The following ATP10D variants were observed in gnomAD, a reference collection of about 807,000 sequenced individuals.
The protein encoded by ATP10D is ATPase phospholipid transporting 10D (putative), also known as phospholipid-transporting ATPase VD.
A neutral mutation model predicts 144.8 loss-of-function variants in ATP10D; 89 were observed. The observed-to-expected ratio is 0.61, with a 90% CI of 0.52 to 0.73. The LOEUF (loss-of-function observed/expected upper bound fraction) is 0.73, where lower values mean the gene tolerates loss of function less well. ATP10D is among the 30% of genes least tolerant of loss of function. The probability of loss-of-function intolerance (pLI) is 0.00; values close to 1 mark genes in which losing one functional copy is unlikely to be tolerated. For missense variants in ATP10D, 1,603 were observed against 1,714.8 expected (o/e 0.93, Z 1.15); for synonymous variants, 571 against 615.1 (o/e 0.93, Z 1.06).
chr4:47,524,298 G>T (rs73237081), intron 4 of ATP10D, among the ~76,000 whole-genome samples: 38,851 of 151,960 alleles, frequency 0.26, 5,265 homozygotes, highest in South Asian at 0.31. Flanking sequence ...AAAAAAAGTG[G>T]TTTAGCCTAC....
At chr4:47,587,840 G>T (rs1257924407) in intron 22 of ATP10D, among the ~76,000 whole-genome samples, 1 of 152,106 alleles carries the variant, frequency 6.6e-6, no homozygotes, top group Admixed American at 6.6e-5. Context: ...GTTTTGGGGG[G>T]AATAAACATT....
chr4:47,553,394 A>G (rs1399035375), intron 10 of ATP10D, among the ~76,000 whole-genome samples: 1 of 152,256 alleles, frequency 6.6e-6, no homozygotes, highest in Non-Finnish European at 1.5e-5. Flanking sequence ...AGCCAGTAGA[A>G]TTAATGAATT....
At chr4:47,527,031 C>T (rs996736646) in intron 5 of ATP10D, among the ~76,000 whole-genome samples, 3 of 152,022 alleles carry the variant, frequency 2.0e-5, no homozygotes, top group Non-Finnish European at 4.4e-5. Context: ...AGCTAGAAGG[C>T]TAAAACCACA....
At position 47,572,926 on chromosome 4, in the gene ATP10D, C is replaced by T; in HGVS notation, c.3295C>T (p.Leu1099Phe). 1 of 1,614,088 alleles carries T rather than the reference C, an allele frequency of 6.2e-7. No individual in the cohort carries two copies. Among genetic ancestry groups the T allele is most frequent in the East Asian group, 2.2e-5 (1 of 44,870 alleles). The stretch of plus-strand genomic sequence containing the variant: ...TCAGTTCAAACATCTCAGCAAGCTC[C>T]TTCTTGTCCATGGACACTGGTGTTA... The part of the protein sequence containing the change: ...VSQFKHLSKL[L>F]LVHGHWCYTR... Residue 1099 changes from leucine (L) to phenylalanine (F), a missense_variant, in exon 18 of 23, where the codon CTT becomes TTT. Transcript: ENST00000273859.
intron 9 of ATP10D, among the ~76,000 whole-genome samples, chr4:47,537,747 C>T (rs1011652312): frequency 2.6e-5 from 4 of 152,074 alleles, no homozygotes; most frequent in African/African-American, 9.7e-5. Context: ...TAGTTTTCTA[C>T]TATATGTGGT....
At chr4:47,493,349 A>T (rs1715185244) in intron 1 of ATP10D, among the ~76,000 whole-genome samples, 1 of 152,226 alleles carries the variant, frequency 6.6e-6, no homozygotes, top group African/African-American at 2.4e-5. Context: ...CAAAAGAGAT[A>T]CACATTTAGT....
At chr4:47,496,315 G>A (rs1244088745) in intron 1 of ATP10D, among the ~76,000 whole-genome samples, 1 of 151,484 alleles carries the variant, frequency 6.6e-6, no homozygotes, top group Non-Finnish European at 1.5e-5. Flanking sequence ...GGGCCACCAC[G>A]CCCGGCTAAT....
intron 1 of ATP10D, among the ~76,000 whole-genome samples, chr4:47,509,540 A>G (rs1229727318): frequency 6.6e-6 from 1 of 152,198 alleles, no homozygotes; most frequent in African/African-American, 2.4e-5. Flanking sequence ...CATACTTTTT[A>G]TTGTGGTGAG....
intron 1 of ATP10D, among the ~76,000 whole-genome samples, chr4:47,491,936 G>T (rs551083961): frequency 6.6e-6 from 1 of 152,178 alleles, no homozygotes; most frequent in East Asian, 1.9e-4. Context: ...TACTTGACCT[G>T]TTCTGGGGCT....
intron 11 of ATP10D, chr4:47,557,130 C>T (rs1464492362): frequency 6.6e-6 from 1 of 151,800 alleles, no homozygotes; most frequent in Non-Finnish European, 1.5e-5. Context: ...CAGTATTGCC[C>T]TATAGACTTT....
At chr4:47,523,241 G>A (rs552322089) in intron 4 of ATP10D, 25 bp downstream of exon 4, 3 of 1,589,316 alleles carry the variant, frequency 1.9e-6, no homozygotes, top group Admixed American at 3.3e-5. Context: ...CTCAGTTAGT[G>A]GCTTATTAAC....
At chr4:47,585,425 CA>C (rs1560459724) in intron 21 of ATP10D, among the ~76,000 whole-genome samples, 1 of 152,038 alleles carries the variant, frequency 6.6e-6, no homozygotes, top group East Asian at 1.9e-4. Context: ...TACAGGGTTG[CA>C]ATGTGAAATA....
rs1027687734 is a variant in ATP10D at position 47,536,490 on chromosome 4, G to C, written c.1069G>C (p.Glu357Gln). The C allele has an allele frequency of 6.2e-7, 1 of 1,613,474 alleles. No homozygotes were observed. The highest frequency in any genetic ancestry group is 1.1e-5 in the South Asian group (1 of 91,064). Residue 357 changes from glutamate (E) to glutamine (Q), a missense_variant, in exon 8 of 23, where the codon GAG becomes CAG. By Grantham distance (29) the Glu-to-Gln change is conservative (BLOSUM62 2). Transcript: ENST00000273859. ...YEKMHFFNVP[E>Q]PDGHIISPLL... ...AAAGATGCATTTTTTCAATGTTCCC[G>C]AGCCTGATGGACATATCATATCACC... is the stretch of plus-strand genomic sequence containing the variant.
At chr4:47,548,225 G>T (rs1350295422) in intron 10 of ATP10D, among the ~76,000 whole-genome samples, 1 of 151,898 alleles carries the variant, frequency 6.6e-6, no homozygotes, top group African/African-American at 2.4e-5. Flanking sequence ...ACAAATGATT[G>T]GTTATTTCTT....
chr4:47,586,459 T>C (rs912407059), intron 21 of ATP10D, among the ~76,000 whole-genome samples: 1 of 152,208 alleles, frequency 6.6e-6, no homozygotes, highest in Non-Finnish European at 1.5e-5. Flanking sequence ...GCAGACAAGC[T>C]CTTACATACT....
In ATP10D at chr4:47,560,999, T is replaced by C; in HGVS notation, c.2592T>C (p.Ala864=). The part of the protein sequence containing the change: ...YAEWLRNHFL[A]ETSIDNREEL... ...AGTGGCTGAGGAATCATTTTTTAGC[T>C]GAAACCAGCATTGACAACAGGGAAG... Residue 864 remains alanine (A), a synonymous_variant, in exon 14 of 23, where the codon GCT becomes GCC. Transcript: ENST00000273859. The C allele has an allele frequency of 6.2e-7, 1 of 1,614,104 alleles. No individual in the cohort carries two copies. The highest frequency in any genetic ancestry group is 8.5e-7 in the Non-Finnish European group (1 of 1,179,914).
intron 16 of ATP10D, 151 bp downstream of exon 16, chr4:47,569,297 C>A: frequency 1.1e-6 from 1 of 877,178 alleles, no homozygotes; most frequent in Non-Finnish European, 1.7e-6. Flanking sequence ...CCTATTTGAG[C>A]ACCTTCCTCC....
At chr4:47,546,479 C>G in intron 9 of ATP10D, 145 bp from the exon 10 acceptor site, 1 of 715,604 alleles carries the variant, frequency 1.4e-6, no homozygotes, top group South Asian at 1.7e-5. Context: ...AGTTCATTGA[C>G]CAAGGCTATG....
Position 47,558,977 on chromosome 4 carries a change from A to T in ATP10D, c.2489A>T (p.His830Leu). ...QMIVREKTQK[H>L]LDDYAKQGLR... ...ATAGTAAGGGAGAAAACCCAGAAGC[A>T]CTTGGATGACTATGCCAAACAAGGC... Residue 830 changes from histidine to leucine, a missense_variant, in exon 13 of 23, where the codon CAC (histidine) becomes CTC (leucine). Physicochemically the swap from His to Leu is moderately conservative, Grantham distance 99. Coordinates refer to ENST00000273859, the MANE Select transcript of ATP10D (RefSeq NM_020453.4). 1 of 1,614,194 alleles carries T rather than the reference A, an allele frequency of 6.2e-7. No homozygotes were observed. Among genetic ancestry groups the T allele is most frequent in the Non-Finnish European group, 8.5e-7 (1 of 1,180,012 alleles).
Sources: gnomAD v4.1 joint callset for allele counts (sites outside exome capture counted in the v4.1 genomes callset) on GRCh38, gnomAD v4.1.1 for gene constraint, MANE v1.5 for transcripts, NCBI Gene and HGNC (gene_info 2026-07-23, HGNC 2026-07-21) for gene names.